The following PGGT1B variants were observed in gnomAD, a reference collection of about 807,000 sequenced individuals.
PGGT1B encodes protein geranylgeranyltransferase type I subunit beta, also known as geranylgeranyl transferase type-1 subunit beta.
Under a neutral mutation model 46.1 loss-of-function variants are expected in PGGT1B, and 30 were observed. The ratio of observed to expected loss-of-function variants is 0.65; its 90% confidence interval spans 0.49 to 0.88. The LOEUF is 0.88. PGGT1B is among the 40% of genes least tolerant of loss of function. The pLI is 0.00. For synonymous variants in PGGT1B, 170 were observed against 160.0 expected (o/e 1.06, Z -0.47); for missense variants, 376 against 455.9 (o/e 0.82, Z 1.60).
intron 8 of PGGT1B, among the ~76,000 whole-genome samples, chr5:115,214,096 T>G (rs762549401): frequency 6.6e-6 from 1 of 152,300 alleles, no homozygotes; most frequent in Non-Finnish European, 1.5e-5. Flanking sequence ...CAAAGCAACA[T>G]TAAGCTTTGT....
At chr5:115,226,418 T>G (rs1220502225) in intron 6 of PGGT1B, among the ~76,000 whole-genome samples, 1 of 152,052 alleles carries the variant, frequency 6.6e-6, no homozygotes, top group Non-Finnish European at 1.5e-5. Flanking sequence ...AAGGGAATCA[T>G]GGGGATAAAG....
At chr5:115,235,926 T>G (rs1330956316) in intron 5 of PGGT1B, among the ~76,000 whole-genome samples, 1 of 152,144 alleles carries the variant, frequency 6.6e-6, no homozygotes, top group Non-Finnish European at 1.5e-5. Context: ...TGCAGAAGTT[T>G]TATTTCTCCT....
At position 115,236,510 on chromosome 5, in the gene PGGT1B, T is replaced by C. The variant is rs1757186149; in HGVS notation, c.492A>G (p.Val164=). 7 of 1,539,886 alleles carry C rather than the reference T, an allele frequency of 4.5e-6. No homozygotes were observed. The highest frequency in any genetic ancestry group is 2.5e-5 in the East Asian group (1 of 39,706). The change falls in exon 5 of 9, where the codon GTA becomes GTG. Residue 164 remains valine (V), a synonymous_variant. Transcript: ENST00000419445. ...LQLEDGSFCA[V]PEGSENDMRF... ...GCATGTCATTTTCACTGCCTTCAGG[T>C]ACTGCACAAAAACTGAAAATAATAA...
chr5:115,237,051 TAAGG>T (rs1299875591), intron 4 of PGGT1B, among the ~76,000 whole-genome samples: 2 of 152,194 alleles, frequency 1.3e-5, no homozygotes, highest in Non-Finnish European at 2.9e-5. Flanking sequence ...TAAACAAGAA[TAAGG>T]AAGCAATAAT....
intron 6 of PGGT1B, among the ~76,000 whole-genome samples, chr5:115,223,520 C>G (rs1428832705): frequency 6.6e-6 from 1 of 152,098 alleles, no homozygotes; most frequent in African/African-American, 2.4e-5. Context: ...CCACTAGAAG[C>G]TGGGAAGAGT....
At chr5:115,217,136 C>A (rs567130991) in intron 7 of PGGT1B, among the ~76,000 whole-genome samples, 163 bp from the exon 8 acceptor site, 4 of 152,258 alleles carry the variant, frequency 2.6e-5, no homozygotes, top group Admixed American at 6.5e-5. Context: ...ATCACATTAA[C>A]TTTTTAATTT....
rs35711954 is a variant in PGGT1B, at chr5:115,238,291, A to ATTTT, written c.328-286_328-283dup. On this transcript the variant is annotated intron_variant, in intron 3 of 8. Transcript: ENST00000419445. The stretch of plus-strand genomic sequence containing the variant: ...AATTATGTATTACTTATTTTTTTGG[A>ATTTT]TTTTTTTTTTTTTTTTTTTTTTTTT... Among the ~76,000 whole-genome samples the ATTTT allele has an allele frequency of 5.8e-3, 270 of 46,954 alleles. 37 individuals carry two copies. Among genetic ancestry groups the ATTTT allele is most frequent in the African/African-American group, 8.1e-3 (104 of 12,880 alleles). The allele number at this position is 46,954 out of a possible 152,430, so 30.8% of individuals were successfully genotyped here.
chr5:115,248,439 C>T (rs1010795534), intron 2 of PGGT1B, among the ~76,000 whole-genome samples: 35 of 152,176 alleles, frequency 2.3e-4, no homozygotes, highest in African/African-American at 7.7e-4. Context: ...TAATAGTCCT[C>T]ACTCTGTTCT....
chr5:115,241,409 T>C (rs1007466029), intron 3 of PGGT1B, 130 bp downstream of exon 3: 5 of 462,578 alleles, frequency 1.1e-5, no homozygotes, highest in African/African-American at 1.0e-4. Context: ...AATATATATA[T>C]ATTATTAGAC....
chr5:115,217,908 T>G (rs1417510786), intron 7 of PGGT1B, among the ~76,000 whole-genome samples: 3 of 152,004 alleles, frequency 2.0e-5, no homozygotes, highest in African/African-American at 7.2e-5. Flanking sequence ...AACACTGCAC[T>G]TGGCTTAGCA....
At chr5:115,256,902 A>G (rs1270434919) in intron 1 of PGGT1B, among the ~76,000 whole-genome samples, 1 of 152,218 alleles carries the variant, frequency 6.6e-6, no homozygotes, top group Non-Finnish European at 1.5e-5. Context: ...AAGCCAATGA[A>G]GTTATTTTTA....
At chr5:115,247,205 T>C (rs1285270168) in intron 2 of PGGT1B, among the ~76,000 whole-genome samples, 3 of 152,276 alleles carry the variant, frequency 2.0e-5, no homozygotes, top group African/African-American at 7.2e-5. Flanking sequence ...AGATATTCTT[T>C]AAAAAACGGT....
rs756020151 is a variant in PGGT1B, at chr5:115,262,773, G to T, written c.79C>A (p.Arg27=). 6.2e-7 allele frequency: 1 copy of T among 1,613,470 alleles called. No homozygotes were observed. Among genetic ancestry groups the T allele is most frequent in the African/African-American group, 1.3e-5 (1 of 75,026 alleles). ...ACCTGGAGGCAGCGCTGGAAAAATC[G>T]CACGTGCCGATCCCGTAAGAAATCC... ...RLDFLRDRHV[R]FFQRCLQVLP... Residue 27 remains arginine (R), a synonymous_variant, in exon 1 of 9, where the codon CGA becomes AGA. Coordinates refer to ENST00000419445, the MANE Select transcript of PGGT1B (RefSeq NM_005023.4).
intron 6 of PGGT1B, among the ~76,000 whole-genome samples, chr5:115,226,896 G>A (rs1460972740): frequency 6.6e-6 from 1 of 151,944 alleles, no homozygotes; most frequent in Non-Finnish European, 1.5e-5. Flanking sequence ...CTGGAAACAG[G>A]TATAGAAAGA....
chr5:115,242,586 TTA>T (rs1580768872), intron 2 of PGGT1B, among the ~76,000 whole-genome samples: 1 of 152,224 alleles, frequency 6.6e-6, no homozygotes, highest in Admixed American at 6.5e-5. Context: ...AGCTTATACA[TTA>T]ATTCTTTGAA....
At chr5:115,237,152 T>C (rs527589294) in intron 4 of PGGT1B, among the ~76,000 whole-genome samples, 1 of 152,290 alleles carries the variant, frequency 6.6e-6, no homozygotes, top group South Asian at 2.1e-4. Context: ...CCAATTAATG[T>C]CAATTTATTC....
intron 6 of PGGT1B, among the ~76,000 whole-genome samples, chr5:115,225,389 G>A (rs1469818471): frequency 7.6e-6 from 1 of 130,752 alleles, no homozygotes; most frequent in Non-Finnish European, 1.8e-5. Context: ...AGGTGTTCCT[G>A]ACTTCAGCTC....
intron 5 of PGGT1B, among the ~76,000 whole-genome samples, chr5:115,235,839 A>G (rs1340131411): frequency 6.6e-6 from 1 of 152,148 alleles, no homozygotes; most frequent in Non-Finnish European, 1.5e-5. Flanking sequence ...TTGAATTAAC[A>G]GCCTAAAATA....
intron 7 of PGGT1B, among the ~76,000 whole-genome samples, chr5:115,220,508 A>C (rs2126993673): frequency 6.6e-6 from 1 of 151,972 alleles, no homozygotes; most frequent in South Asian, 2.1e-4. Context: ...ATAATGAAAA[A>C]GTTTTGCATG....
Sources: gnomAD v4.1 joint callset for allele counts (sites outside exome capture counted in the v4.1 genomes callset) on GRCh38, gnomAD v4.1.1 for gene constraint, MANE v1.5 for transcripts, NCBI Gene and HGNC (gene_info 2026-07-23, HGNC 2026-07-21) for gene names.